MYB: variants seen among roughly 807,000 people sequenced by gnomAD.
MYB encodes transcriptional activator Myb.
In MYB, 28 loss-of-function variants were observed where a neutral mutation model predicts 92.9. The observed-to-expected ratio is 0.30, with a 90% CI of 0.22 to 0.41. MYB has a LOEUF of 0.41. Among genes scored for constraint, MYB ranks in the 10% least tolerant of loss-of-function variants. MYB has a pLI of 1.00. For synonymous variants in MYB, 295 were observed against 329.1 expected (o/e 0.90, Z 1.12); for missense variants, 679 against 929.3 (o/e 0.73, Z 3.50).
In MYB at chr6:135,195,875, C is replaced by A; in HGVS notation, c.1076C>A (p.Ala359Glu). The change falls in exon 9 of 16, where the codon GCG becomes GAG. Residue 359 changes from alanine to glutamate, a missense_variant. By Grantham distance (107) the Ala-to-Glu change is moderately radical. Coordinates refer to ENST00000341911, the MANE Select transcript of MYB (RefSeq NM_001130173.2). ...GEHHSTPSLP[A>E]DPGSLPEESA... is the part of the protein sequence containing the mutation. ...CACCACTCCACTCCATCTCTGCCAG[C>A]GGATCCTGGCTCCCTACCTGAAGAA... is the stretch of plus-strand genomic sequence containing the variant. The A allele has an allele frequency of 6.2e-7, 1 of 1,614,148 alleles. No individual in the cohort carries two copies.
intron 15 of MYB, among the ~76,000 whole-genome samples, chr6:135,207,843 T>C (rs1779155664): frequency 6.6e-6 from 1 of 151,290 alleles, no homozygotes; most frequent in South Asian, 2.1e-4. Flanking sequence ...CAAGCAATTC[T>C]CCTGCCTCAG....
intron 15 of MYB, chr6:135,203,718 A>C: frequency 7.2e-7 from 1 of 1,392,220 alleles, no homozygotes; most frequent in Non-Finnish European, 9.5e-7. Flanking sequence ...ATCCCTAGGC[A>C]ACCAAAGCTC....
Position 135,218,506 on chromosome 6 carries a change from T to A in MYB, c.*526T>A, listed in dbSNP as rs1780724165. 1 of 183,656 alleles carries A rather than the reference T, an allele frequency of 5.4e-6. No homozygotes were observed. The highest frequency in any genetic ancestry group is 1.2e-5 in the Non-Finnish European group (1 of 86,318). 11.4% of individuals were successfully genotyped at this position (183,656 alleles called of 1,614,324 possible). ...AATGACATTGAAGGTACATTTATTGTACCAAACCATTTTATGAGTTTTCTG... is the reference window on the plus strand; with the variant it reads ...AATGACATTGAAGGTACATTTATTGAACCAAACCATTTTATGAGTTTTCTG... On this transcript the variant is annotated 3_prime_UTR_variant, in exon 16 of 16. Coordinates refer to ENST00000341911, the MANE Select transcript of MYB (RefSeq NM_001130173.2).
chr6:135,181,478 C>T lies in MYB; in HGVS notation c.-36C>T, dbSNP rs1028462704. 2.7e-6 allele frequency: 3 copies of T among 1,117,182 alleles called. No individual in the cohort carries two copies. The highest frequency in any genetic ancestry group is 1.7e-5 in the African/African-American group (1 of 60,100). The allele number at this position is 1,117,182 out of a possible 1,614,324, so 69.2% of individuals were successfully genotyped here. On this transcript the variant is annotated 5_prime_UTR_variant, in exon 1 of 16. Coordinates refer to ENST00000341911, the MANE Select transcript of MYB (RefSeq NM_001130173.2). This position sits in a 1 kb window ranked among gnomAD's most constrained non-coding sequence, Gnocchi z 5.3. ...GGGAGGCGGCAGCCCGGTGCGGTCC[C>T]CGCGGCTCTCGGCGGAGCCCCGCGC...
intron 15 of MYB, among the ~76,000 whole-genome samples, chr6:135,213,830 A>G (rs541095160): frequency 6.6e-6 from 1 of 152,186 alleles, no homozygotes; most frequent in Non-Finnish European, 1.5e-5. Flanking sequence ...GGCTGCAGTG[A>G]GCTGTGATCA....
At chr6:135,206,611 G>T (rs945130618) in intron 15 of MYB, among the ~76,000 whole-genome samples, 1 of 152,130 alleles carries the variant, frequency 6.6e-6, no homozygotes. Flanking sequence ...CAGGAGAATT[G>T]CTTGAACCCA....
chr6:135,199,800 T>TA (rs139708552), intron 11 of MYB, among the ~76,000 whole-genome samples: 294 of 152,362 alleles, frequency 1.9e-3, no homozygotes, highest in Non-Finnish European at 3.2e-3. Flanking sequence ...CTCATAGTCT[T>TA]ATACAGATCA....
chr6:135,200,551 C>T lies in MYB; in HGVS notation c.1950+136C>T, dbSNP rs570684584. The T allele has an allele frequency of 8.6e-6, 11 of 1,277,878 alleles. No individual in the cohort carries two copies. The East Asian group carries it at 1.4e-4, about 17-fold the overall frequency. The allele number at this position is 1,277,878 out of a possible 1,614,324, so 79.2% of individuals were successfully genotyped here. The stretch of plus-strand genomic sequence containing the variant: ...TGCAAGATTTTCATACAAGGTGCAG[C>T]GAAAAGGTACTGCCAGACTGTAGGC... On this transcript the variant is annotated intron_variant, in intron 13 of 15. Transcript: ENST00000341911.
intron 2 of MYB, among the ~76,000 whole-genome samples, chr6:135,186,397 G>A (rs994714974): frequency 6.6e-6 from 1 of 152,180 alleles, no homozygotes; most frequent in African/African-American, 2.4e-5. Context: ...CCATGCATGG[G>A]TGCATGTTCT....
chr6:135,197,395 A>G, intron 10 of MYB, 72 bp downstream of exon 10: 2 of 1,280,130 alleles, frequency 1.6e-6, no homozygotes, highest in South Asian at 1.4e-5. Flanking sequence ...CTAGAAACTA[A>G]TACTTCGGAA....
chr6:135,216,660 G>A (rs1780486383), intron 15 of MYB, among the ~76,000 whole-genome samples: 1 of 152,150 alleles, frequency 6.6e-6, no homozygotes, highest in Non-Finnish European at 1.5e-5. Context: ...ACCCACAGAT[G>A]CAGAGGGCCA....
intron 3 of MYB, among the ~76,000 whole-genome samples, chr6:135,189,195 C>T (rs1023414800): frequency 2.0e-5 from 3 of 152,226 alleles, no homozygotes; most frequent in African/African-American, 7.2e-5. Context: ...AGATGCTTCT[C>T]TCCTCACTTC....
At chr6:135,183,016 T>C (rs948368840) in intron 1 of MYB, among the ~76,000 whole-genome samples, 1 of 147,620 alleles carries the variant, frequency 6.8e-6, no homozygotes, top group African/African-American at 2.5e-5. Flanking sequence ...GTTTTTTTTT[T>C]TTTTTTTTTT....
At position 135,197,286 on chromosome 6, in the gene MYB, G is replaced by T; in HGVS notation, c.1529G>T (p.Arg510Leu). ...GACGTCAGCAGTTCAACTCCCAAGC[G>T]TTCCCCTGTCAAAAGCCTACCCTTC... ...FADVSSSTPKRSPVKSLPFSP... is the reference protein window; with the variant it reads ...FADVSSSTPKLSPVKSLPFSP... The change falls in exon 10 of 16, where the codon CGT becomes CTT. Residue 510 changes from arginine (R) to leucine (L), a missense_variant. Arg to Leu is a moderately radical substitution (Grantham distance 102). Around this residue, in one of 8 missense-constraint regions of MYB, gnomAD observed 402 missense variants for 434.2 expected, o/e 0.93. Transcript: ENST00000341911. 1 of 1,613,412 alleles carries T rather than the reference G, an allele frequency of 6.2e-7. No homozygotes were observed. Among genetic ancestry groups the T allele is most frequent in the Non-Finnish European group, 8.5e-7 (1 of 1,179,628 alleles).
At chr6:135,204,850 G>A (rs1778649048) in intron 15 of MYB, among the ~76,000 whole-genome samples, 1 of 151,786 alleles carries the variant, frequency 6.6e-6, no homozygotes, top group African/African-American at 2.4e-5. Flanking sequence ...GCTCATGCCT[G>A]TAATCCCAGC....
At position 135,218,143 on chromosome 6, in the gene MYB, T is replaced by C. The variant is rs1397020970; in HGVS notation, c.*163T>C. On this transcript the variant is annotated 3_prime_UTR_variant, in exon 16 of 16. Coordinates refer to ENST00000341911, the MANE Select transcript of MYB (RefSeq NM_001130173.2). Reference sequence around the variant, plus strand: ...GTGCATTTAGTTGAATGAAGTCTTCTTGGATTTCACCCAACTAAAAGGATT... The same window carrying C: ...GTGCATTTAGTTGAATGAAGTCTTCCTGGATTTCACCCAACTAAAAGGATT... The C allele has an allele frequency of 1.8e-6, 1 of 567,830 alleles. No homozygotes were observed. The highest frequency in any genetic ancestry group is 2.1e-5 in the South Asian group (1 of 46,808). 35.2% of individuals were successfully genotyped at this position (567,830 alleles called of 1,614,324 possible). A position where few individuals can be genotyped will look rare whatever the true frequency, so the allele number is the denominator to read the frequency against.
chr6:135,211,722 G>T (rs575467844), intron 15 of MYB, among the ~76,000 whole-genome samples: 3 of 152,184 alleles, frequency 2.0e-5, no homozygotes, highest in Non-Finnish European at 4.4e-5. Context: ...ATTTGGGAAA[G>T]GTCCATCCAC....
At chr6:135,210,590 GA>G in intron 15 of MYB, among the ~76,000 whole-genome samples, 1 of 152,010 alleles carries the variant, frequency 6.6e-6, no homozygotes. Flanking sequence ...CTTTTTGCCT[GA>G]TAGGCACTGC....
At chr6:135,204,897 C>G (rs1244634022) in intron 15 of MYB, among the ~76,000 whole-genome samples, 1 of 152,088 alleles carries the variant, frequency 6.6e-6, no homozygotes, top group African/African-American at 2.4e-5. Context: ...AACTTGAGGT[C>G]AGGAGTTTGA....
Sources: allele counts gnomAD v4.1 joint callset (sites outside exome capture counted in the v4.1 genomes callset), GRCh38; gene constraint gnomAD v4.1.1; regional missense constraint gnomAD v4.1.1; non-coding constraint Gnocchi (gnomAD v3.1); transcripts MANE v1.5; gene names NCBI Gene and HGNC (gene_info 2026-07-23, HGNC 2026-07-21).